Variants in HMG20A observed in about 807,000 individuals in gnomAD.
HMG20A encodes the protein high mobility group 20A, also known as high mobility group protein 20A.
A neutral mutation model predicts 43.9 loss-of-function variants in HMG20A; 17 were observed. The ratio of observed to expected loss-of-function variants is 0.39; its 90% CI spans 0.27 to 0.58. The LOEUF (loss-of-function observed/expected upper bound fraction) is 0.58, where lower values mean the gene tolerates loss of function less well. Among genes scored for constraint, HMG20A ranks in the 20% least tolerant of loss-of-function variants. HMG20A has a pLI of 0.59. For synonymous variants in HMG20A, 132 were observed against 147.5 expected, an observed-to-expected ratio of 0.89 and a Z score of 0.76; for missense variants, 341 against 438.2, an observed-to-expected ratio of 0.78 and a Z score of 1.98.
the HMG20A span, among the ~76,000 whole-genome samples, chr15:77,509,555 CGTGTGTGTGTGTGTGTGTGTGT>C: frequency 1.0e-3 from 118 of 115,470 alleles, no homozygotes; most frequent in African/African-American, 3.5e-3. Flanking sequence ...TGTGCCCAGC[CGTGTGTGTGTGTGTGTGTGTGT>C]GTGTGTGTGT....
At chr15:77,462,136 A>C (rs1023288974) in intron 2 of HMG20A, among the ~76,000 whole-genome samples, 1 of 152,180 alleles carries the variant, frequency 6.6e-6, no homozygotes, top group African/African-American at 2.4e-5. Flanking sequence ...TCTGGAATTT[A>C]TTCTCATAAT....
rs2072801596 is a variant in HMG20A, at chr15:77,470,906, C to T, written c.451-4C>T. ...TTGAAAATAATTCTGTATTTCTTTCCTAGCGCTACCTTGATGAAGCAGACA... is the reference window on the plus strand; with the variant it reads ...TTGAAAATAATTCTGTATTTCTTTCTTAGCGCTACCTTGATGAAGCAGACA... On this transcript the variant is annotated splice_region_variant and splice_polypyrimidine_tract_variant and intron_variant, in intron 4 of 9. Transcript: ENST00000336216. The T allele has an allele frequency of 1.9e-6, 3 of 1,556,252 alleles. No individual in the cohort carries two copies. Among genetic ancestry groups the T allele is most frequent in the Non-Finnish European group, 1.7e-6 (2 of 1,159,826 alleles).
At chr15:77,459,843 TC>T (rs1469272183) in intron 2 of HMG20A, among the ~76,000 whole-genome samples, 1 of 152,172 alleles carries the variant, frequency 6.6e-6, no homozygotes, top group East Asian at 1.9e-4. Context: ...GACCAGAGAT[TC>T]TACATTTCTA....
rs900643322 is a variant in HMG20A, at chr15:77,459,228, A to G, written c.89+732A>G. ...CACATTTATGTCTCACCTCGTTGAT[A>G]TCCGCCTTTGACCTCACTACTCAGA... On this transcript the variant is annotated intron_variant, in intron 2 of 9. Transcript: ENST00000336216. Among the ~76,000 whole-genome samples the G allele has an allele frequency of 2.6e-5, 4 of 152,302 alleles. No homozygotes were observed. In the South Asian group the frequency reaches 8.3e-4, roughly 32 times the overall value.
chr15:77,516,913 A>G, the HMG20A span, among the ~76,000 whole-genome samples: 9 of 152,252 alleles, frequency 5.9e-5, no homozygotes, highest in African/African-American at 2.2e-4. Flanking sequence ...CTGCTGCAGG[A>G]CCAGCAGGGT....
At chr15:77,512,249 G>C in the HMG20A span, among the ~76,000 whole-genome samples, 1 of 152,162 alleles carries the variant, frequency 6.6e-6, no homozygotes, top group South Asian at 2.1e-4. Flanking sequence ...TGGTTGCCAG[G>C]GGGTGGGGGG....
intron 1 of HMG20A, among the ~76,000 whole-genome samples, chr15:77,444,168 AAATAG>A (rs1390575148): frequency 1.3e-5 from 2 of 152,224 alleles, no homozygotes; most frequent in Non-Finnish European, 2.9e-5. Context: ...CCTTTGAGGT[AAATAG>A]AATAAGTTTT....
the HMG20A span, among the ~76,000 whole-genome samples, chr15:77,519,239 G>A: frequency 6.6e-6 from 1 of 152,194 alleles, no homozygotes; most frequent in South Asian, 2.1e-4. Flanking sequence ...ACTGGCATGT[G>A]GGCAACAAAC....
the HMG20A span, among the ~76,000 whole-genome samples, chr15:77,500,023 G>T: frequency 2.6e-5 from 4 of 151,852 alleles, no homozygotes; most frequent in Non-Finnish European, 4.4e-5. Flanking sequence ...TAGAGACAGG[G>T]TTTCACCATG....
the HMG20A span, among the ~76,000 whole-genome samples, chr15:77,501,390 G>A: frequency 3.3e-5 from 5 of 152,296 alleles, no homozygotes; most frequent in African/African-American, 1.2e-4. Context: ...AAAAGTTGCA[G>A]CAGCACTGGG....
chr15:77,432,967 A>G (rs1400713867), intron 1 of HMG20A, among the ~76,000 whole-genome samples: 1 of 152,176 alleles, frequency 6.6e-6, no homozygotes, highest in Non-Finnish European at 1.5e-5. Flanking sequence ...TTTTAGATGA[A>G]ATGGACAAAT....
intron 1 of HMG20A, among the ~76,000 whole-genome samples, chr15:77,430,155 TCAGA>T: frequency 6.6e-6 from 1 of 152,254 alleles, no homozygotes; most frequent in African/African-American, 2.4e-5. Flanking sequence ...GTTTTTGTTA[TCAGA>T]CATTTTATAA....
At position 77,448,519 on chromosome 15, in the gene HMG20A, A is replaced by G. The variant is rs576934229; in HGVS notation, c.-4-9885A>G. 3.3e-5 allele frequency among the ~76,000 whole-genome samples: 5 copies of G among 152,072 alleles called. No homozygotes were observed. In the South Asian group the frequency reaches 1.0e-3, roughly 32 times the overall value. On this transcript the variant is annotated intron_variant, in intron 1 of 9. Transcript: ENST00000336216. ...CTGTATATAAAATTGCAGACACCCC[A>G]TTTCCTTGAACTGTTCCTAACCTCT...
intron 7 of HMG20A, 114 bp downstream of exon 7, chr15:77,477,744 CA>C (rs1277283100): frequency 1.5e-6 from 1 of 668,768 alleles, no homozygotes; most frequent in Non-Finnish European, 2.6e-6. Flanking sequence ...TAGGACTACT[CA>C]AAGACCAGTG....
chr15:77,445,287 G>A (rs2142301879), intron 1 of HMG20A, among the ~76,000 whole-genome samples: 1 of 152,322 alleles, frequency 6.6e-6, no homozygotes, highest in South Asian at 2.1e-4. Context: ...TAAAATGTAA[G>A]AAAATAGAGG....
chr15:77,474,324 A>G (rs1157808513), intron 6 of HMG20A, among the ~76,000 whole-genome samples: 1 of 152,198 alleles, frequency 6.6e-6, no homozygotes, highest in East Asian at 1.9e-4. Flanking sequence ...TATGAGGAGT[A>G]AAACACTGAG....
At chr15:77,508,678 C>T in the HMG20A span, among the ~76,000 whole-genome samples, 3 of 152,218 alleles carry the variant, frequency 2.0e-5, no homozygotes, top group Non-Finnish European at 4.4e-5. Flanking sequence ...CTGGACGGGT[C>T]ACTTGGCAGG....
downstream of HMG20A, among the ~76,000 whole-genome samples, chr15:77,486,264 T>TC (rs1371477129): frequency 6.6e-6 from 1 of 151,246 alleles, no homozygotes; most frequent in Non-Finnish European, 1.5e-5. Flanking sequence ...GCTTGCTTTT[T>TC]TTTTTTTTTT....
the HMG20A span, among the ~76,000 whole-genome samples, chr15:77,510,238 C>T: frequency 6.6e-6 from 1 of 152,254 alleles, no homozygotes; most frequent in Non-Finnish European, 1.5e-5. Context: ...GCTCTCTTGC[C>T]CACACCCCCA....
Sources: gnomAD v4.1 joint callset for allele counts (sites outside exome capture counted in the v4.1 genomes callset) on GRCh38, gnomAD v4.1.1 for gene constraint, MANE v1.5 for transcripts, NCBI Gene and HGNC (gene_info 2026-07-23, HGNC 2026-07-21) for gene names.